Variants in MDGA2 observed in about 807,000 individuals in gnomAD.
The protein encoded by MDGA2 is MAM domain containing glycosylphosphatidylinositol anchor 2, also known as MAM domain-containing glycosylphosphatidylinositol anchor protein 2.
Under a neutral mutation model 117.8 loss-of-function variants are expected in MDGA2, and 40 were observed. That is an observed-to-expected ratio of 0.34 (90% confidence interval 0.26 to 0.44). The LOEUF is 0.44. MDGA2 is among the 20% of genes least tolerant of loss of function. The pLI is 1.00. For missense variants in MDGA2, 1,123 were observed against 1,250.6 expected, an observed-to-expected ratio of 0.90 and a Z score of 1.54; for synonymous variants, 452 against 439.0, an observed-to-expected ratio of 1.03 and a Z score of -0.37.
chr14:47,236,691 G>A (rs929849670), intron 2 of MDGA2, among the ~76,000 whole-genome samples: 1 of 152,150 alleles, frequency 6.6e-6, no homozygotes, highest in Non-Finnish European at 1.5e-5. Context: ...ATAAAAGGAT[G>A]CTGTGTCTTT....
chr14:47,190,925 AG>A (rs1161663822), intron 3 of MDGA2, among the ~76,000 whole-genome samples: 1 of 152,132 alleles, frequency 6.6e-6, no homozygotes, highest in Non-Finnish European at 1.5e-5. Context: ...ACATAGTTAG[AG>A]GTCAGTTAGT....
chr14:46,858,794 C>T (rs1025418768), intron 14 of MDGA2, among the ~76,000 whole-genome samples: 1 of 152,090 alleles, frequency 6.6e-6, no homozygotes, highest in African/African-American at 2.4e-5. Context: ...TTGGTTTCTA[C>T]GAACTGATGT....
Position 46,929,649 on chromosome 14 carries a change from A to ATTTTTTTTT in MDGA2, c.2090-9498_2090-9490dup, listed in dbSNP as rs1180832509. On this transcript the variant is annotated intron_variant, in intron 9 of 16. Coordinates refer to ENST00000399232, the MANE Select transcript of MDGA2 (RefSeq NM_001113498.3). ...TATATATATATATATATATATATAC[A>ATTTTTTTTT]TTTTTTTTTTTTTTTTTTCGAGATG... is the stretch of plus-strand genomic sequence containing the variant. Among the ~76,000 whole-genome samples the ATTTTTTTTT allele has an allele frequency of 1.8e-3, 24 of 13,698 alleles. 3 individuals are homozygous for ATTTTTTTTT. The highest frequency in any genetic ancestry group is 2.2e-3 in the Non-Finnish European group (16 of 7,328). 9.0% of individuals were successfully genotyped at this position (13,698 alleles called of 152,430 possible).
intron 10 of MDGA2, among the ~76,000 whole-genome samples, chr14:46,906,966 CTTTTTCTTTTTT>C: frequency 7.5e-6 from 1 of 132,796 alleles, no homozygotes; most frequent in African/African-American, 2.7e-5. Context: ...CTTTGCTTAC[CTTTTTCTTTTTT>C]TTTTTTTTTT....
intron 9 of MDGA2, among the ~76,000 whole-genome samples, chr14:46,923,487 GT>G (rs565604200): frequency 2.0e-5 from 3 of 151,812 alleles, no homozygotes; most frequent in East Asian, 3.9e-4. Context: ...AGAAAATAAA[GT>G]TTTTTTTAGT....
At chr14:47,017,202 A>G (rs1439804653) in intron 8 of MDGA2, among the ~76,000 whole-genome samples, 2 of 151,726 alleles carry the variant, frequency 1.3e-5, no homozygotes, top group African/African-American at 2.4e-5. Flanking sequence ...TTTGCTGTCC[A>G]TAGAGACAGG....
chr14:47,048,859 C>T (rs1889354897), intron 7 of MDGA2, among the ~76,000 whole-genome samples: 2 of 152,178 alleles, frequency 1.3e-5, no homozygotes, highest in South Asian at 2.1e-4. Context: ...AGCATGATTG[C>T]ATTCTACAAA....
At chr14:47,023,234 A>G (rs1262398133) in intron 8 of MDGA2, among the ~76,000 whole-genome samples, 8 of 150,974 alleles carry the variant, frequency 5.3e-5, no homozygotes, top group Admixed American at 5.3e-4. Context: ...GAAAGAAAGA[A>G]AAAAGTTCAT....
At chr14:46,843,550 T>C (rs1267133105) in intron 16 of MDGA2, among the ~76,000 whole-genome samples, 2 of 152,176 alleles carry the variant, frequency 1.3e-5, no homozygotes, top group Non-Finnish European at 2.9e-5. Context: ...GACACAAGGA[T>C]ACATTTTTAC....
intron 2 of MDGA2, among the ~76,000 whole-genome samples, chr14:47,227,576 T>C (rs1359125297): frequency 6.6e-6 from 1 of 152,056 alleles, no homozygotes; most frequent in South Asian, 2.1e-4. Context: ...CCTTAACCAA[T>C]GGTAAGTTCA....
intron 9 of MDGA2, among the ~76,000 whole-genome samples, chr14:46,945,691 C>T (rs1220413792): frequency 2.0e-5 from 3 of 152,070 alleles, no homozygotes; most frequent in Admixed American, 6.6e-5. Context: ...CCTTGCTATG[C>T]TCATATACAG....
At chr14:47,428,803 T>C (rs894845361) in intron 1 of MDGA2, among the ~76,000 whole-genome samples, 1 of 151,946 alleles carries the variant, frequency 6.6e-6, no homozygotes, top group African/African-American at 2.4e-5. Context: ...ATATGTAAAA[T>C]ACATACATAT....
intron 8 of MDGA2, among the ~76,000 whole-genome samples, chr14:46,975,795 A>G (rs530030235): frequency 6.6e-6 from 1 of 152,240 alleles, no homozygotes; most frequent in African/African-American, 2.4e-5. Context: ...GTTCAAGATC[A>G]GGAAACCAGC....
intron 1 of MDGA2, among the ~76,000 whole-genome samples, chr14:47,430,066 C>T: frequency 6.6e-6 from 1 of 150,938 alleles, no homozygotes; most frequent in East Asian, 1.9e-4. Flanking sequence ...GAGTTGAAAT[C>T]AGAGAGGTAC....
At chr14:47,330,110 C>T (rs186628150) in intron 1 of MDGA2, among the ~76,000 whole-genome samples, 34 of 151,902 alleles carry the variant, frequency 2.2e-4, no homozygotes, top group African/African-American at 7.2e-4. Context: ...TGTATCTACA[C>T]CTATATGTAT....
intron 2 of MDGA2, among the ~76,000 whole-genome samples, chr14:47,243,679 G>A (rs1420819069): frequency 1.3e-5 from 2 of 151,436 alleles, no homozygotes; most frequent in East Asian, 3.9e-4. Flanking sequence ...AAGAAACTCC[G>A]AACAGATCTG....
intron 9 of MDGA2, among the ~76,000 whole-genome samples, chr14:46,925,855 A>T (rs1884313013): frequency 6.6e-6 from 1 of 152,160 alleles, no homozygotes; most frequent in Non-Finnish European, 1.5e-5. Flanking sequence ...AGGTTGGTTC[A>T]TGAAGGGATA....
At chr14:47,651,042 A>T (rs1897631009) in intron 1 of MDGA2, among the ~76,000 whole-genome samples, 1 of 152,168 alleles carries the variant, frequency 6.6e-6, no homozygotes, top group African/African-American at 2.4e-5. Context: ...GTCTTTATTT[A>T]GAAATTCAGT....
intron 1 of MDGA2, among the ~76,000 whole-genome samples, chr14:47,658,475 C>A (rs75669861): frequency 0.045 from 6,850 of 152,168 alleles, 143 homozygotes; most frequent in Middle Eastern, 0.068. Flanking sequence ...TGATGAGTAT[C>A]AGACACGGTT....
Sources: allele counts gnomAD v4.1 joint callset (sites outside exome capture counted in the v4.1 genomes callset), GRCh38; gene constraint gnomAD v4.1.1; transcripts MANE v1.5; gene names NCBI Gene and HGNC (gene_info 2026-07-23, HGNC 2026-07-21).